The following PTPRN2 variants were observed in gnomAD, a reference collection of about 807,000 sequenced individuals.
PTPRN2 encodes protein tyrosine phosphatase receptor type N2, also known as receptor-type tyrosine-protein phosphatase N2.
PTPRN2 carries 74 observed loss-of-function variants against 118.8 expected under a neutral mutation model. The observed-to-expected ratio is 0.62, with a 90% confidence interval of 0.52 to 0.76. PTPRN2 has a LOEUF of 0.76. PTPRN2 is among the 30% of genes least tolerant of loss of function. The probability of loss-of-function intolerance (pLI) is 0.00; values close to 1 mark genes in which losing one functional copy is unlikely to be tolerated. For synonymous variants in PTPRN2, 641 were observed against 608.0 expected (o/e 1.05, Z -0.80); for missense variants, 1,481 against 1,394.4 (o/e 1.06, Z -0.99).
In PTPRN2 at chr7:158,097,522, C is replaced by A. The variant is rs908839635; in HGVS notation, c.1643+13307G>T. Among the ~76,000 whole-genome samples, 5 of 152,296 alleles carry A rather than the reference C, an allele frequency of 3.3e-5. 1 individual carries two copies. The East Asian group carries it at 5.8e-4, about 18-fold the overall frequency. On this transcript the variant is annotated intron_variant, in intron 10 of 22. Coordinates refer to ENST00000389418, the MANE Select transcript of PTPRN2 (RefSeq NM_002847.5). ...GCGGTCCTCGTGGCTGATGTGGGAG[C>A]TCCACCGAAGCCATCTGGAAGAGAA...
chr7:157,775,121 G>A (rs1055285699), intron 12 of PTPRN2, among the ~76,000 whole-genome samples: 3 of 152,188 alleles, frequency 2.0e-5, no homozygotes, highest in African/African-American at 4.8e-5. Context: ...TCATGAAAAC[G>A]CGAACAGTCT....
chr7:157,589,328 C>T (rs985341192), intron 17 of PTPRN2, among the ~76,000 whole-genome samples: 1 of 152,252 alleles, frequency 6.6e-6, no homozygotes, highest in East Asian at 1.9e-4. Context: ...CCTTTCTTCC[C>T]CCAGCCCCCT....
intron 13 of PTPRN2, among the ~76,000 whole-genome samples, chr7:157,659,371 A>AT (rs1795773126): frequency 2.3e-5 from 1 of 43,844 alleles, no homozygotes; most frequent in African/African-American, 1.0e-4. Flanking sequence ...GACTGTGGGG[A>AT]AGGGGGGGAC....
chr7:158,489,721 G>A lies in PTPRN2; in HGVS notation c.163+14C>T, dbSNP rs1821300486. 1 of 1,573,838 alleles carries A rather than the reference G, an allele frequency of 6.4e-7. No homozygotes were observed. Among genetic ancestry groups the A allele is most frequent in the South Asian group, 1.2e-5 (1 of 85,856 alleles). On this transcript the variant is annotated intron_variant, in intron 2 of 22. Transcript: ENST00000389418. Reference sequence around the variant, plus strand: ...GGGCAGACCAGGGCGCAGCAGCCAGGACCCCACACTCACCGTTCACACAGG... The same window carrying A: ...GGGCAGACCAGGGCGCAGCAGCCAGAACCCCACACTCACCGTTCACACAGG...
At chr7:158,188,327 G>A (rs1404157907) in intron 5 of PTPRN2, among the ~76,000 whole-genome samples, 5 of 87,280 alleles carry the variant, frequency 5.7e-5, no homozygotes, top group East Asian at 3.8e-4. Flanking sequence ...CGCCACGCTC[G>A]CCCCCTGATG....
intron 3 of PTPRN2, among the ~76,000 whole-genome samples, chr7:158,229,978 G>C (rs1403410906): frequency 6.6e-6 from 1 of 151,114 alleles, no homozygotes; most frequent in Non-Finnish European, 1.5e-5. Flanking sequence ...GACAAAGAGA[G>C]ATCCTAAAAG....
intron 11 of PTPRN2, among the ~76,000 whole-genome samples, chr7:157,928,323 C>T (rs1391593388): frequency 2.0e-5 from 3 of 152,162 alleles, no homozygotes; most frequent in South Asian, 2.1e-4. Context: ...TGCTCTTGGT[C>T]GCCTGGAGAT....
At chr7:158,270,806 T>TGGGCCGCCCCC (rs1798321733) in intron 3 of PTPRN2, among the ~76,000 whole-genome samples, 92 of 6,406 alleles carry the variant, frequency 0.014, 18 homozygotes, top group African/African-American at 0.05. Context: ...GACCACCCCC[T>TGGGCCGCCCCC]CACCTGGACC....
chr7:157,544,170 C>T (rs991132982), intron 22 of PTPRN2, among the ~76,000 whole-genome samples: 10 of 145,508 alleles, frequency 6.9e-5, no homozygotes, highest in South Asian at 2.1e-4. Context: ...TGGAGAGAGA[C>T]GGAGAGAGGT....
intron 14 of PTPRN2, among the ~76,000 whole-genome samples, chr7:157,631,756 C>T (rs1034805845): frequency 9.3e-5 from 14 of 150,960 alleles, no homozygotes; most frequent in Admixed American, 2.0e-4. Context: ...GGCGTGAACC[C>T]GGGAGGCGGA....
At position 157,816,929 on chromosome 7, in the gene PTPRN2, CCTCT is replaced by C. The variant is rs558983767; in HGVS notation, c.1788+81740_1788+81743del. 2.1e-4 allele frequency among the ~76,000 whole-genome samples: 32 copies of C among 152,364 alleles called. No individual in the cohort carries two copies. The South Asian group carries it at 4.3e-3, about 21-fold the overall frequency. On this transcript the variant is annotated intron_variant, in intron 12 of 22. Coordinates refer to ENST00000389418, the MANE Select transcript of PTPRN2 (RefSeq NM_002847.5). ...AGTTACGGGGCTGGGCACCCCAAGA[CCTCT>C]CTCTAACAGGGGTCCCCACATCCAG...
At chr7:157,976,591 C>A (rs1003532225) in intron 11 of PTPRN2, among the ~76,000 whole-genome samples, 2 of 151,684 alleles carry the variant, frequency 1.3e-5, no homozygotes, top group Non-Finnish European at 2.9e-5. Flanking sequence ...TGTGCCTGTG[C>A]GGCTGCCCTA....
At chr7:158,029,383 G>A (rs958239594) in intron 11 of PTPRN2, 2 of 152,274 alleles carry the variant, frequency 1.3e-5, no homozygotes, top group Admixed American at 6.5e-5. Flanking sequence ...CTACCCCAAA[G>A]AAACCAGTGA....
intron 5 of PTPRN2, among the ~76,000 whole-genome samples, chr7:158,177,856 A>C (rs192373039): frequency 1.3e-5 from 2 of 152,334 alleles, no homozygotes; most frequent in East Asian, 3.9e-4. Flanking sequence ...TTGAATGCAC[A>C]CATGCTTTCG....
Position 158,523,294 on chromosome 7 carries a change from G to A in PTPRN2, c.113-33509C>T, listed in dbSNP as rs893445614. On this transcript the variant is annotated intron_variant, in intron 1 of 22. Coordinates refer to ENST00000389418, the MANE Select transcript of PTPRN2 (RefSeq NM_002847.5). ...GACACGTCCCACGGTGAGGGCTGGTGCGGACAAGAGATTAGCCAAAGGAGC... is the reference window on the plus strand; with the variant it reads ...GACACGTCCCACGGTGAGGGCTGGTACGGACAAGAGATTAGCCAAAGGAGC... Among the ~76,000 whole-genome samples, 5 of 152,190 alleles carry A rather than the reference G, an allele frequency of 3.3e-5. No individual in the cohort carries two copies. In the South Asian group the frequency reaches 6.2e-4, roughly 19 times the overall value.
rs1035583097 is a variant in PTPRN2 at position 158,330,086 on chromosome 7, G to T, written c.164-13154C>A. Among the ~76,000 whole-genome samples the T allele has an allele frequency of 1.4e-4, 21 of 144,846 alleles. No homozygotes were observed. The South Asian group carries it at 4.4e-3, about 30-fold the overall frequency. ...ACTCTCACCATAAGAGCTGACACCT[G>T]CAGACGTCACTCACACCCACACTCT... On this transcript the variant is annotated intron_variant, in intron 2 of 22. Coordinates refer to ENST00000389418, the MANE Select transcript of PTPRN2 (RefSeq NM_002847.5).
Position 157,797,783 on chromosome 7 carries a change from C to T in PTPRN2, c.1788+100890G>A, listed in dbSNP as rs1462971522. Among the ~76,000 whole-genome samples, 10 of 152,304 alleles carry T rather than the reference C, an allele frequency of 6.6e-5. No individual in the cohort carries two copies. The East Asian group carries it at 1.7e-3, about 26-fold the overall frequency. On this transcript the variant is annotated intron_variant, in intron 12 of 22. Transcript: ENST00000389418. Reference sequence around the variant, plus strand: ...CTGTCAGTTACATTTTCCTATGTGTCCTCCTTCCTTTCTTTGGAGCCTGAA... The same window carrying T: ...CTGTCAGTTACATTTTCCTATGTGTTCTCCTTCCTTTCTTTGGAGCCTGAA...
At position 157,622,634 on chromosome 7, in the gene PTPRN2, G is replaced by A. The variant is rs1004952247; in HGVS notation, c.2197-1125C>T. Among the ~76,000 whole-genome samples, 1 of 152,212 alleles carries A rather than the reference G, an allele frequency of 6.6e-6. No homozygotes were observed. The highest frequency in any genetic ancestry group is 1.5e-5 in the Non-Finnish European group (1 of 68,030). ...CCATGCAGCAAACACACACCCTGCT[G>A]TGCTGGCCCAGCTCACACGGGAGCA... On this transcript the variant is annotated intron_variant, in intron 14 of 22. Coordinates refer to ENST00000389418, the MANE Select transcript of PTPRN2 (RefSeq NM_002847.5). The surrounding 1 kb of genome is among the most constrained non-coding windows in gnomAD (Gnocchi z 5.3).
intron 3 of PTPRN2, among the ~76,000 whole-genome samples, chr7:158,217,327 T>C (rs1233354782): frequency 6.6e-6 from 1 of 152,140 alleles, no homozygotes; most frequent in African/African-American, 2.4e-5. Flanking sequence ...GGTTAGAGCA[T>C]ACAGCCCAGG....
Sources: gnomAD v4.1 joint callset for allele counts (sites outside exome capture counted in the v4.1 genomes callset) on GRCh38, gnomAD v4.1.1 for gene constraint, Gnocchi (gnomAD v3.1) non-coding constraint, MANE v1.5 for transcripts, NCBI Gene and HGNC (gene_info 2026-07-23, HGNC 2026-07-21) for gene names.